CCL25: variants seen among roughly 807,000 people sequenced by gnomAD.
CCL25 encodes C-C motif chemokine ligand 25.
Under a neutral mutation model 19.9 loss-of-function variants are expected in CCL25, and 14 were observed. That is an observed-to-expected ratio of 0.70 (90% CI 0.47 to 1.10). The LOEUF (loss-of-function observed/expected upper bound fraction) is 1.10. Among genes scored for constraint, CCL25 ranks in the 50% least tolerant of loss-of-function variants. CCL25 has a pLI of 0.00. For missense variants in CCL25, 151 were observed against 181.2 expected (o/e 0.83, Z 0.96); for synonymous variants, 68 against 73.2 (o/e 0.93, Z 0.36).
chr19:8,057,119 C>A (rs1224905922), intron 4 of CCL25, among the ~76,000 whole-genome samples: 1 of 148,950 alleles, frequency 6.7e-6, no homozygotes, highest in African/African-American at 2.5e-5. Context: ...CTCCTGAATT[C>A]AAGCGATTCT....
chr19:8,057,050 T>G (rs2081277218), intron 4 of CCL25, among the ~76,000 whole-genome samples: 1 of 152,188 alleles, frequency 6.6e-6, no homozygotes, highest in Non-Finnish European at 1.5e-5. Flanking sequence ...AGATGGAGTC[T>G]TGCTGTGTCA....
At chr19:8,061,862 A>T (rs1489893918) in intron 5 of CCL25, among the ~76,000 whole-genome samples, 2 of 151,126 alleles carry the variant, frequency 1.3e-5, no homozygotes, top group Non-Finnish European at 2.9e-5. Flanking sequence ...TACAAAATAC[A>T]AAAATACTAA....
At chr19:8,058,975 AATATAAATATATAAATATATAATATAAAT>A (rs1568335803) in intron 5 of CCL25, among the ~76,000 whole-genome samples, 3 of 128,356 alleles carry the variant, frequency 2.3e-5, no homozygotes, top group African/African-American at 8.5e-5. Flanking sequence ...ATAAATATAT[AATATAAATATATAAATATATAATATAAAT>A]ATATAAATAT....
At chr19:8,056,558 G>A (rs2081274292) in intron 4 of CCL25, 59 bp downstream of exon 4, 1 of 1,597,070 alleles carries the variant, frequency 6.3e-7, no homozygotes, top group South Asian at 1.1e-5. Context: ...GCAAGCCCAT[G>A]TGTGGTTCAG....
chr19:8,057,039 G>C (rs935580236), intron 4 of CCL25, among the ~76,000 whole-genome samples: 1 of 151,924 alleles, frequency 6.6e-6, no homozygotes, highest in Non-Finnish European at 1.5e-5. Context: ...TTTATTTTTT[G>C]AGATGGAGTC....
At chr19:8,053,547 ATTT>A (rs57912076) in intron 2 of CCL25, among the ~76,000 whole-genome samples, 1 of 120,648 alleles carries the variant, frequency 8.3e-6, no homozygotes. Context: ...CTCCTAAACC[ATTT>A]TTTTTTTTTT....
chr19:8,053,467 G>C (rs1225133057), intron 2 of CCL25, among the ~76,000 whole-genome samples: 3 of 152,060 alleles, frequency 2.0e-5, no homozygotes, highest in Non-Finnish European at 4.4e-5. Context: ...TTGGAGATCA[G>C]GGCCCTGGAG....
intron 1 of CCL25, 57 bp from the exon 2 acceptor site, chr19:8,052,943 C>T (rs2081242272): frequency 2.9e-6 from 2 of 680,686 alleles, no homozygotes; most frequent in Admixed American, 5.4e-5. Flanking sequence ...GGGGATGTTC[C>T]CAGTACCCAC....
intron 2 of CCL25, among the ~76,000 whole-genome samples, chr19:8,055,528 GT>G (rs2081264615): frequency 1.3e-5 from 2 of 151,796 alleles, no homozygotes; most frequent in South Asian, 2.1e-4. Context: ...TAGAGACGGG[GT>G]TTCACCGTGT....
intron 2 of CCL25, among the ~76,000 whole-genome samples, chr19:8,055,409 C>T (rs1361576413): frequency 1.3e-5 from 2 of 150,516 alleles, no homozygotes; most frequent in East Asian, 4.0e-4. Flanking sequence ...GATCTCGGCT[C>T]ACTGCAAGCT....
At chr19:8,062,040 CTG>C (rs1270617508) in intron 5 of CCL25, among the ~76,000 whole-genome samples, 176 bp from the exon 6 acceptor site, 1 of 118,268 alleles carries the variant, frequency 8.5e-6, no homozygotes, top group African/African-American at 3.2e-5. Context: ...CAGAGCGAGA[CTG>C]TCTCAAAAAA....
In CCL25 at chr19:8,056,311, C is replaced by A. The variant is rs2081271973; in HGVS notation, c.191+42C>A. 1.9e-6 allele frequency: 3 copies of A among 1,604,946 alleles called. No individual in the cohort carries two copies. The South Asian group carries it at 3.3e-5, about 18-fold the overall frequency. The stretch of plus-strand genomic sequence containing the variant: ...GGGCTGGGGGGGTGGGGTGCACACA[C>A]AGCCTTGCTGCCAGCCTACACCCTA... On this transcript the variant is annotated intron_variant, in intron 3 of 5. Coordinates refer to ENST00000315626, the MANE Select transcript of CCL25 (RefSeq NM_005624.4).
chr19:8,059,122 T>TGTATATATTTATATATA (rs2081298838), intron 5 of CCL25, among the ~76,000 whole-genome samples: 12 of 110,544 alleles, frequency 1.1e-4, no homozygotes, highest in African/African-American at 4.4e-4. Flanking sequence ...AATATATAAA[T>TGTATATATTTATATATA]ATATATAAAT....
Position 8,062,317 on chromosome 19 carries a change from T to A in CCL25, c.*92T>A. ...CTACAGACCCAGCTGTCCCCACGCC[T>A]CTGTCTTTTGGGTCAAGTCTTAATC... On this transcript the variant is annotated 3_prime_UTR_variant, in exon 6 of 6. Coordinates refer to ENST00000315626, the MANE Select transcript of CCL25 (RefSeq NM_005624.4). 1 of 1,430,450 alleles carries A rather than the reference T, an allele frequency of 7.0e-7. No homozygotes were observed. The highest frequency in any genetic ancestry group is 9.8e-7 in the Non-Finnish European group (1 of 1,015,930). The allele number at this position is 1,430,450 out of a possible 1,614,324, so 88.6% of individuals were successfully genotyped here. A position where few individuals can be genotyped will look rare whatever the true frequency, so the allele number is the denominator to read the frequency against.
rs2032887 is a variant in CCL25 at position 8,056,476 on chromosome 19, A to G, written c.302A>G (p.His101Arg). 381,139 of 1,613,704 alleles carry G rather than the reference A, an allele frequency of 0.24. 46,101 individuals carry two copies. Among genetic ancestry groups the G allele is most frequent in the Admixed American group, 0.31 (18,443 of 59,984 alleles). The part of the protein sequence containing the change: ...DARNKVFAKL[H>R]HNTQTFQAGP... ...CGAAATAAGGTTTTTGCAAAGCTCC[A>G]CCACAACACGCAGACCTTCCAAGGT... The change falls in exon 4 of 6, where the codon CAC becomes CGC. Residue 101 changes from histidine (H) to arginine (R), a missense_variant. By Grantham distance (29) the His-to-Arg change is conservative. Transcript: ENST00000315626.
Position 8,053,100 on chromosome 19 carries a change from G to A in CCL25, c.51G>A (p.Trp17Ter). The stretch of plus-strand genomic sequence containing the variant: ...TGGTGGCCGGCTTCCTGGGAGCCTG[G>A]GCCCCCGCTGTCCACACCCAAGGTA... ...ACLVAGFLGAWAPAVHTQGVF... is the reference protein window; with the variant it reads ...ACLVAGFLGA The change falls in exon 2 of 6, where the codon TGG becomes TGA. Residue 17 changes from tryptophan to a stop codon, truncating the protein, a stop_gained. Transcript: ENST00000315626. LOFTEE classifies it high-confidence loss of function. 6.4e-7 allele frequency: 1 copy of A among 1,556,636 alleles called. No individual in the cohort carries two copies. The highest frequency in any genetic ancestry group is 8.7e-7 in the Non-Finnish European group (1 of 1,149,916).
intron 5 of CCL25, among the ~76,000 whole-genome samples, chr19:8,058,148 G>A (rs1440856063): frequency 6.6e-6 from 1 of 151,494 alleles, no homozygotes; most frequent in Admixed American, 6.7e-5. Flanking sequence ...CCAGGGGAGT[G>A]GCCCAAGAGC....
rs1170383423 is a variant in CCL25, at chr19:8,053,103, C to T, written c.54C>T (p.Ala18=). 3.2e-6 allele frequency: 5 copies of T among 1,556,452 alleles called. No individual in the cohort carries two copies. The highest frequency in any genetic ancestry group is 4.3e-6 in the Non-Finnish European group (5 of 1,149,778). ...CLVAGFLGAW[A]PAVHTQGVFE... The stretch of plus-strand genomic sequence containing the variant: ...TGGCCGGCTTCCTGGGAGCCTGGGC[C>T]CCCGCTGTCCACACCCAAGGTACTG... The change falls in exon 2 of 6, where the codon GCC becomes GCT. Residue 18 remains alanine, a synonymous_variant. Transcript: ENST00000315626.
At position 8,057,999 on chromosome 19, in the gene CCL25, G is replaced by A; in HGVS notation, c.445+79G>A. The A allele has an allele frequency of 6.5e-6, 10 of 1,545,898 alleles. No individual in the cohort carries two copies. The South Asian group carries it at 1.2e-4, about 19-fold the overall frequency. On this transcript the variant is annotated intron_variant, in intron 5 of 5. Coordinates refer to ENST00000315626, the MANE Select transcript of CCL25 (RefSeq NM_005624.4). ...TGAGGGCTCGTGATTGGCTCACACTGGGACAGGAGATTCACCTCCAGGACC... is the reference window on the plus strand; with the variant it reads ...TGAGGGCTCGTGATTGGCTCACACTAGGACAGGAGATTCACCTCCAGGACC...
Sources: allele counts gnomAD v4.1 joint callset (sites outside exome capture counted in the v4.1 genomes callset), GRCh38; gene constraint gnomAD v4.1.1; transcripts MANE v1.5; gene names NCBI Gene and HGNC (gene_info 2026-07-23, HGNC 2026-07-21).